Variants in CASP6 observed in about 807,000 individuals in gnomAD.
CASP6 encodes the protein caspase-6.
CASP6 carries 20 observed loss-of-function variants against 31.8 expected under a neutral mutation model. The observed-to-expected ratio is 0.63, with a 90% CI of 0.44 to 0.91. The LOEUF (loss-of-function observed/expected upper bound fraction) is 0.91. Ranked by LOEUF, CASP6 falls within the 40% of genes least tolerant of loss-of-function variation. CASP6 has a pLI of 0.00. For missense variants in CASP6, 328 were observed against 361.1 expected, an observed-to-expected ratio of 0.91 and a Z score of 0.74; for synonymous variants, 130 against 127.8, an observed-to-expected ratio of 1.02 and a Z score of -0.12.
At chr4:109,684,425 T>G (rs1729788874), downstream of CASP6, 10 of 1,583,510 alleles carry the variant, frequency 6.3e-6, no homozygotes, top group African/African-American at 1.4e-5. Flanking sequence ...GAATTAACAG[T>G]TTTTCATTCC....
chr4:109,685,393 T>C, downstream of CASP6: 1 of 986,278 alleles, frequency 1.0e-6, no homozygotes, highest in Non-Finnish European at 1.6e-6. Flanking sequence ...ATCTTATAGC[T>C]GGTTTGTTTG....
the CASP6 span, among the ~76,000 whole-genome samples, chr4:109,680,787 T>C: frequency 6.6e-6 from 1 of 152,210 alleles, no homozygotes; most frequent in Non-Finnish European, 1.5e-5. Flanking sequence ...ATGTCTCTCT[T>C]GTCTGCAGTT....
At chr4:109,666,675 AACGGTCTTGTATCAGAT>A in the CASP6 span, among the ~76,000 whole-genome samples, 1 of 152,142 alleles carries the variant, frequency 6.6e-6, no homozygotes, top group African/African-American at 2.4e-5. Flanking sequence ...TGTTTGGGAT[AACGGTCTTGTATCAGAT>A]ACGTCTTTTG....
the CASP6 span, chr4:109,683,285 T>C: frequency 6.6e-6 from 1 of 152,294 alleles, no homozygotes; most frequent in African/African-American, 2.4e-5. Context: ...ATCCCATTTG[T>C]GGTTTTTATT....
chr4:109,673,967 C>T, the CASP6 span: 3 of 861,842 alleles, frequency 3.5e-6, no homozygotes, highest in Non-Finnish European at 4.0e-6. Context: ...GCAGTTGTTG[C>T]ATATGGATTA....
upstream of CASP6, among the ~76,000 whole-genome samples, chr4:109,705,997 AAAAAATATATATATATAT>A (rs1730594014): frequency 2.1e-5 from 1 of 47,442 alleles, no homozygotes; most frequent in East Asian, 6.5e-4. Context: ...AAAAAAAAAA[AAAAAATATATATATATAT>A]ATATATATAT....
At chr4:109,673,617 A>G in the CASP6 span, among the ~76,000 whole-genome samples, 1 of 152,282 alleles carries the variant, frequency 6.6e-6, no homozygotes, top group Admixed American at 6.5e-5. Context: ...AATGAAATTT[A>G]TAAAATTACA....
intron 1 of CASP6, among the ~76,000 whole-genome samples, chr4:109,700,599 T>G (rs1730390472): frequency 6.6e-6 from 1 of 152,036 alleles, no homozygotes; most frequent in Admixed American, 6.6e-5. Context: ...TTTTAAGTTT[T>G]TTGTTGTTGT....
At chr4:109,687,871 G>A, downstream of CASP6, 1 of 368,090 alleles carries the variant, frequency 2.7e-6, no homozygotes, top group Non-Finnish European at 4.9e-6. Flanking sequence ...TCTATGTGGA[G>A]GTGAAAGGGT....
chr4:109,664,557 TG>T, the CASP6 span, among the ~76,000 whole-genome samples: 1 of 152,084 alleles, frequency 6.6e-6, no homozygotes. Context: ...CCAGAGTAGC[TG>T]GGACTACCTG....
At chr4:109,706,845 T>C (rs1234383620), upstream of CASP6, among the ~76,000 whole-genome samples, 2 of 152,180 alleles carry the variant, frequency 1.3e-5, no homozygotes, top group Non-Finnish European at 2.9e-5. Flanking sequence ...AGGCAGAGGT[T>C]GCAGTGAGCC....
At chr4:109,674,250 C>G in the CASP6 span, 4 of 678,142 alleles carry the variant, frequency 5.9e-6, no homozygotes, top group Non-Finnish European at 1.1e-5. Context: ...ATTTTGAATA[C>G]TGGCTTCCTT....
chr4:109,675,853 A>G, the CASP6 span, among the ~76,000 whole-genome samples: 3 of 152,192 alleles, frequency 2.0e-5, no homozygotes, highest in Non-Finnish European at 4.4e-5. Context: ...CCCTTTTGCC[A>G]TGGGATGATG....
chr4:109,690,202 C>T (rs1290490649), intron 6 of CASP6, among the ~76,000 whole-genome samples: 1 of 145,980 alleles, frequency 6.9e-6, no homozygotes, highest in Non-Finnish European at 1.5e-5. Flanking sequence ...AAAATACACA[C>T]ACACACACAC....
Position 109,698,345 on chromosome 4 carries a change from A to G in CASP6, c.41-3T>C, listed in dbSNP as rs764304053. ...TTCTGTCATGTTTTCTTCCCCACCT[A>G]TTAAAAAAAGTTGATTTTTGTTAAT... On this transcript the variant is annotated splice_region_variant and splice_polypyrimidine_tract_variant and intron_variant, in intron 1 of 6. Coordinates refer to ENST00000265164, the MANE Select transcript of CASP6 (RefSeq NM_001226.4). 13 of 1,609,770 alleles carry G rather than the reference A, an allele frequency of 8.1e-6. No homozygotes were observed. The South Asian group carries it at 1.1e-4, about 14-fold the overall frequency.
At chr4:109,707,249 AG>A (rs1005076030), upstream of CASP6, among the ~76,000 whole-genome samples, 41 of 152,316 alleles carry the variant, frequency 2.7e-4, no homozygotes, top group African/African-American at 9.6e-4. Flanking sequence ...GGTATCCCAT[AG>A]GGGGTGGCAT....
At chr4:109,703,737 T>C (rs1364215100), upstream of CASP6, among the ~76,000 whole-genome samples, 1 of 152,186 alleles carries the variant, frequency 6.6e-6, no homozygotes, top group Non-Finnish European at 1.5e-5. Flanking sequence ...CCCGAGGCAA[T>C]TTCACATCAC....
the CASP6 span, among the ~76,000 whole-genome samples, chr4:109,675,007 G>T: frequency 6.6e-6 from 1 of 152,150 alleles, no homozygotes; most frequent in Non-Finnish European, 1.5e-5. Flanking sequence ...TATCACACTT[G>T]TGAAATTCTC....
the CASP6 span, among the ~76,000 whole-genome samples, chr4:109,678,956 G>T: frequency 2.8e-5 from 4 of 145,258 alleles, no homozygotes; most frequent in Admixed American, 2.0e-4. Flanking sequence ...GGGCAGAGGC[G>T]CTCCTCACTT....
Sources: gnomAD v4.1 joint callset for allele counts (sites outside exome capture counted in the v4.1 genomes callset) on GRCh38, gnomAD v4.1.1 for gene constraint, MANE v1.5 for transcripts, NCBI Gene and HGNC (gene_info 2026-07-23, HGNC 2026-07-21) for gene names.